The following CWC27 variants were observed in gnomAD, a reference collection of about 807,000 sequenced individuals.
CWC27 encodes spliceosome-associated protein CWC27 homolog.
CWC27 carries 47 observed loss-of-function variants against 63.6 expected under a neutral mutation model. That is an observed-to-expected ratio of 0.74 (90% CI 0.58 to 0.94). The LOEUF is 0.94. Ranked by LOEUF, CWC27 falls within the 40% of genes least tolerant of loss-of-function variation. The probability of loss-of-function intolerance (pLI) is 0.00; values close to 1 mark genes in which losing one functional copy is unlikely to be tolerated. For missense variants in CWC27, 495 were observed against 554.3 expected (o/e 0.89, Z 1.07); for synonymous variants, 175 against 179.8 (o/e 0.97, Z 0.22).
chr5:64,997,500 A>G (rs982505325), intron 13 of CWC27, among the ~76,000 whole-genome samples: 6 of 152,176 alleles, frequency 3.9e-5, no homozygotes, highest in Non-Finnish European at 8.8e-5. Context: ...CAGTAGATCT[A>G]TCAAGATCAG....
chr5:64,866,645 GTTC>G (rs1285925834), intron 10 of CWC27, among the ~76,000 whole-genome samples: 3 of 152,006 alleles, frequency 2.0e-5, no homozygotes, highest in African/African-American at 4.8e-5. Context: ...TTCCCCGTGA[GTTC>G]TTCTTTGATC....
In CWC27 at chr5:64,809,810, T is replaced by C. The variant is rs111833325; in HGVS notation, c.938+5424T>C. ...TTTTGTATATTAGCCCCTTATCAGATGTATGATTTGCGAATATTTTCTCCC... is the reference window on the plus strand; with the variant it reads ...TTTTGTATATTAGCCCCTTATCAGACGTATGATTTGCGAATATTTTCTCCC... On this transcript the variant is annotated intron_variant, in intron 10 of 13. Coordinates refer to ENST00000381070, the MANE Select transcript of CWC27 (RefSeq NM_005869.4). Among the ~76,000 whole-genome samples the C allele has an allele frequency of 4.0e-3, 616 of 152,342 alleles. 3 individuals carry two copies. The highest frequency in any genetic ancestry group is 0.014 in the African/African-American group (576 of 41,574).
intron 2 of CWC27, among the ~76,000 whole-genome samples, chr5:64,776,577 C>G (rs978915521): frequency 4.6e-5 from 7 of 152,088 alleles, no homozygotes; most frequent in African/African-American, 1.7e-4. Flanking sequence ...CACCAATCCT[C>G]TTAATTGAAT....
intron 11 of CWC27, among the ~76,000 whole-genome samples, chr5:64,959,963 G>T (rs1199098028): frequency 6.6e-6 from 1 of 152,152 alleles, no homozygotes; most frequent in Non-Finnish European, 1.5e-5. Flanking sequence ...TGTTTTGAAG[G>T]TTCAAATGAG....
chr5:64,887,533 A>AT (rs1747105723), intron 11 of CWC27, among the ~76,000 whole-genome samples: 1 of 151,906 alleles, frequency 6.6e-6, no homozygotes, highest in African/African-American at 2.4e-5. Context: ...CACCTGTCTG[A>AT]TTTTTTGTAT....
At chr5:64,952,846 G>T (rs1748737603) in intron 11 of CWC27, among the ~76,000 whole-genome samples, 1 of 151,896 alleles carries the variant, frequency 6.6e-6, no homozygotes, top group South Asian at 2.1e-4. Flanking sequence ...TTTTATTTTT[G>T]TCCACTCTTC....
rs530988529 is a variant in CWC27 at position 64,921,926 on chromosome 5, G to A, written c.1042+36380G>A. ...CTCCTTCGCTTATGAAGCTTAGTTTGGCAGAATATGAAATTCTTGGTTGGA... is the reference window on the plus strand; with the variant it reads ...CTCCTTCGCTTATGAAGCTTAGTTTAGCAGAATATGAAATTCTTGGTTGGA... On this transcript the variant is annotated intron_variant, in intron 11 of 13. Transcript: ENST00000381070. Among the ~76,000 whole-genome samples the A allele has an allele frequency of 2.0e-5, 3 of 152,282 alleles. No homozygotes were observed. The South Asian group carries it at 6.2e-4, about 32-fold the overall frequency.
intron 11 of CWC27, among the ~76,000 whole-genome samples, chr5:64,968,302 G>A (rs535542577): frequency 3.3e-4 from 50 of 152,032 alleles, no homozygotes; most frequent in Non-Finnish European, 5.6e-4. Flanking sequence ...AAAATGGTGC[G>A]ACCATTTGTA....
At chr5:64,860,741 GT>G (rs1209771433) in intron 10 of CWC27, among the ~76,000 whole-genome samples, 1 of 152,064 alleles carries the variant, frequency 6.6e-6, no homozygotes, top group Non-Finnish European at 1.5e-5. Flanking sequence ...ATAACTTTAA[GT>G]ACTTTGGTCC....
intron 12 of CWC27, among the ~76,000 whole-genome samples, chr5:64,976,102 T>G (rs1165340577): frequency 2.0e-5 from 3 of 152,174 alleles, no homozygotes; most frequent in Admixed American, 6.5e-5. Context: ...AATAAAATTT[T>G]TAAATAGCAT....
At chr5:64,908,934 A>G (rs1449349319) in intron 11 of CWC27, among the ~76,000 whole-genome samples, 1 of 152,192 alleles carries the variant, frequency 6.6e-6, no homozygotes, top group Non-Finnish European at 1.5e-5. Context: ...TTATGATGTT[A>G]GCTCATTATT....
chr5:64,899,736 C>T (rs528579105), intron 11 of CWC27, among the ~76,000 whole-genome samples: 2 of 152,284 alleles, frequency 1.3e-5, no homozygotes, highest in Non-Finnish European at 2.9e-5. Context: ...CATGTTTTGA[C>T]GTATGTCTAT....
intron 11 of CWC27, among the ~76,000 whole-genome samples, chr5:64,925,262 A>G (rs753784219): frequency 9.2e-5 from 14 of 152,190 alleles, no homozygotes; most frequent in Non-Finnish European, 1.9e-4. Context: ...AGAGGCTAAA[A>G]TGATGTCAAG....
chr5:64,954,772 A>G, intron 11 of CWC27, among the ~76,000 whole-genome samples: 1 of 104,320 alleles, frequency 9.6e-6, no homozygotes, highest in Non-Finnish European at 2.0e-5. Context: ...AGTGCTTTCT[A>G]TATGCATATA....
intron 10 of CWC27, among the ~76,000 whole-genome samples, chr5:64,820,731 A>G (rs1447682976): frequency 6.6e-6 from 1 of 152,170 alleles, no homozygotes; most frequent in African/African-American, 2.4e-5. Context: ...ATCTATGTGC[A>G]AATAAATAAA....
At chr5:64,927,818 C>T (rs1000412661) in intron 11 of CWC27, among the ~76,000 whole-genome samples, 1 of 152,120 alleles carries the variant, frequency 6.6e-6, no homozygotes, top group Non-Finnish European at 1.5e-5. Flanking sequence ...CTTTGGATTT[C>T]TAGATTATTA....
intron 11 of CWC27, among the ~76,000 whole-genome samples, chr5:64,968,809 A>G (rs2112439866): frequency 6.6e-6 from 1 of 152,330 alleles, no homozygotes; most frequent in African/African-American, 2.4e-5. Flanking sequence ...CATTTTATAT[A>G]CAAAATTAGT....
rs1287826336 is a variant in CWC27 at position 65,011,966 on chromosome 5, T to C, written c.1257-6193T>C. 2.0e-5 allele frequency among the ~76,000 whole-genome samples: 3 copies of C among 152,224 alleles called. No homozygotes were observed. In the East Asian group the frequency reaches 5.8e-4, roughly 29 times the overall value. On this transcript the variant is annotated intron_variant, in intron 13 of 13. Coordinates refer to ENST00000381070, the MANE Select transcript of CWC27 (RefSeq NM_005869.4). ...ATTTATAGGGGGAATTAATGCTTTT[T>C]CTTTTTTGTAAGTAAGCATTCACCT... is the stretch of plus-strand genomic sequence containing the variant.
chr5:64,960,824 G>A (rs1228871645), intron 11 of CWC27, among the ~76,000 whole-genome samples: 3 of 151,616 alleles, frequency 2.0e-5, no homozygotes, highest in Non-Finnish European at 4.4e-5. Flanking sequence ...TGTTGTTCAG[G>A]CTGGCTTTGA....
Sources: gnomAD v4.1 joint callset for allele counts (sites outside exome capture counted in the v4.1 genomes callset) on GRCh38, gnomAD v4.1.1 for gene constraint, MANE v1.5 for transcripts, NCBI Gene and HGNC (gene_info 2026-07-23, HGNC 2026-07-21) for gene names.